Variants in CAPG observed in about 807,000 individuals in gnomAD.
CAPG encodes the protein macrophage-capping protein.
Under a neutral mutation model 44.6 loss-of-function variants are expected in CAPG, and 32 were observed. The observed-to-expected ratio is 0.72, with a 90% confidence interval of 0.54 to 0.96. The LOEUF is 0.96. CAPG is among the 50% of genes least tolerant of loss of function. The probability of loss-of-function intolerance (pLI) is 0.00; values close to 1 mark genes in which losing one functional copy is unlikely to be tolerated. For missense variants in CAPG, 412 were observed against 438.3 expected, an observed-to-expected ratio of 0.94 and a Z score of 0.54; for synonymous variants, 175 against 179.6, an observed-to-expected ratio of 0.97 and a Z score of 0.20.
At chr2:85,402,816 G>A (rs756746951) in intron 1 of CAPG, among the ~76,000 whole-genome samples, 11 of 150,724 alleles carry the variant, frequency 7.3e-5, no homozygotes, top group Non-Finnish European at 1.2e-4. Context: ...TGTCACTCAG[G>A]CTGGAGTGCA....
At position 85,398,805 on chromosome 2, in the gene CAPG, G is replaced by A. The variant is rs767616113; in HGVS notation, c.667-23C>T. The A allele has an allele frequency of 2.6e-6, 4 of 1,539,220 alleles. No individual in the cohort carries two copies. In the South Asian group the frequency reaches 3.5e-5, roughly 14 times the overall value. On this transcript the variant is annotated intron_variant, in intron 6 of 9. Transcript: ENST00000263867. ...GACCTGCAGGGGCCAGGGCAGGCCA[G>A]GTTTATAGGGACCCCTGCCCTGGAA...
At chr2:85,394,375 G>C (rs915465711), downstream of CAPG, among the ~76,000 whole-genome samples, 2 of 152,252 alleles carry the variant, frequency 1.3e-5, no homozygotes, top group South Asian at 2.1e-4. Flanking sequence ...TGGTACAATT[G>C]TGAAAGGCTG....
chr2:85,392,654 G>C (rs1204415745), downstream of CAPG, among the ~76,000 whole-genome samples: 1 of 152,188 alleles, frequency 6.6e-6, no homozygotes, highest in African/African-American at 2.4e-5. Context: ...GGGTGGGGCT[G>C]GTAACAAACC....
upstream of CAPG, chr2:85,418,629 GT>G (rs1321671056): frequency 6.9e-6 from 1 of 143,968 alleles, no homozygotes; most frequent in East Asian, 2.0e-4. Context: ...CAAACACACA[GT>G]CACACACGCA....
At chr2:85,409,319 G>A (rs1311403836) in intron 1 of CAPG, among the ~76,000 whole-genome samples, 1 of 152,166 alleles carries the variant, frequency 6.6e-6, no homozygotes, top group Non-Finnish European at 1.5e-5. Context: ...GGCTGGGGGA[G>A]GGGAGGACGC....
chr2:85,409,285 G>A (rs1347365215), intron 1 of CAPG, among the ~76,000 whole-genome samples: 2 of 152,186 alleles, frequency 1.3e-5, no homozygotes, highest in Admixed American at 6.5e-5. Flanking sequence ...GAGAGCAGGG[G>A]CTAGGGGTCC....
At chr2:85,396,208 C>T (rs891535017) in intron 8 of CAPG, among the ~76,000 whole-genome samples, 2 of 152,048 alleles carry the variant, frequency 1.3e-5, no homozygotes, top group African/African-American at 4.8e-5. Context: ...TTTTCTGAGA[C>T]GCAGTCTCGT....
chr2:85,393,610 G>A (rs1280167011), downstream of CAPG, among the ~76,000 whole-genome samples: 1 of 151,978 alleles, frequency 6.6e-6, no homozygotes, highest in Non-Finnish European at 1.5e-5. Context: ...TGTCACCCAG[G>A]CTGGAGTGCA....
Position 85,395,697 on chromosome 2 carries a change from G to A in CAPG, c.893-71C>T, listed in dbSNP as rs552013955. On this transcript the variant is annotated intron_variant, in intron 8 of 9. Coordinates refer to ENST00000263867, the MANE Select transcript of CAPG (RefSeq NM_001747.4). This position sits in a 1 kb window ranked among gnomAD's most constrained non-coding sequence, Gnocchi z 4.3. Reference sequence around the variant, plus strand: ...TAGCTGCCATCCCATTTTTCTTGAGGAAATTTAAGGGAGTCCACAGAAGAG... The same window carrying A: ...TAGCTGCCATCCCATTTTTCTTGAGAAAATTTAAGGGAGTCCACAGAAGAG... 8.9e-7 allele frequency: 1 copy of A among 1,123,760 alleles called. No individual in the cohort carries two copies. Among genetic ancestry groups the A allele is most frequent in the Non-Finnish European group, 1.3e-6 (1 of 760,842 alleles). 69.6% of individuals were successfully genotyped at this position (1,123,760 alleles called of 1,614,324 possible).
In CAPG at chr2:85,401,303, G is replaced by A. The variant is rs765785513; in HGVS notation, c.378C>T (p.His126=). The A allele has an allele frequency of 1.4e-5, 23 of 1,614,068 alleles. No individual in the cohort carries two copies. In the South Asian group the frequency reaches 2.3e-4, roughly 16 times the overall value. ...YQEGGVESAF[H]KTSTGAPAAI... ...CAGCTGGGGCTCCTGTGGAGGTCTT[G>A]TGAAATGCTGACTCCACACCACCTT... Residue 126 remains histidine (H), a synonymous_variant, in exon 5 of 10, where the codon CAC becomes CAT. Coordinates refer to ENST00000263867, the MANE Select transcript of CAPG (RefSeq NM_001747.4).
At position 85,394,896 on chromosome 2, in the gene CAPG, T is replaced by C. The variant is rs1558727761; in HGVS notation, c.1044A>G (p.Lys348=). ...TGGGGCAGGAAGACGCCCACCCTCA[T>C]TTCCAGTCCTTGAAAAATTGCTTGA... is the stretch of plus-strand genomic sequence containing the variant. ...PIFKQFFKDW[K] Residue 348 remains lysine (K), a synonymous_variant, in exon 10 of 10, where the codon AAA becomes AAG. Coordinates refer to ENST00000263867, the MANE Select transcript of CAPG (RefSeq NM_001747.4). The C allele has an allele frequency of 1.3e-5, 21 of 1,612,296 alleles. No homozygotes were observed. The highest frequency in any genetic ancestry group is 1.8e-5 in the Non-Finnish European group (21 of 1,178,262).
rs1042903743 is a variant in CAPG at position 85,396,224 on chromosome 2, C to T, written c.893-598G>A. ...TTTCTGAGACGCAGTCTCGTTCTGT[C>T]GCCCGGGCTGGAGTGCAGCGGCACC... On this transcript the variant is annotated intron_variant, in intron 8 of 9. Coordinates refer to ENST00000263867, the MANE Select transcript of CAPG (RefSeq NM_001747.4). Among the ~76,000 whole-genome samples the T allele has an allele frequency of 5.9e-5, 9 of 152,188 alleles. No homozygotes were observed. In the East Asian group the frequency reaches 9.7e-4, roughly 16 times the overall value.
intron 5 of CAPG, among the ~76,000 whole-genome samples, chr2:85,400,684 C>T (rs1357995962): frequency 2.6e-5 from 4 of 152,128 alleles, no homozygotes; most frequent in African/African-American, 9.7e-5. Context: ...CCTGGGACAA[C>T]TGGCTTCGGC....
chr2:85,407,636 C>A (rs1370352517), intron 1 of CAPG, among the ~76,000 whole-genome samples: 1 of 147,668 alleles, frequency 6.8e-6, no homozygotes, highest in Admixed American at 6.9e-5. Context: ...TTGCTTGAAC[C>A]TGGGAGGTGG....
chr2:85,399,737 TTTC>T, intron 5 of CAPG, among the ~76,000 whole-genome samples: 2 of 146,936 alleles, frequency 1.4e-5, no homozygotes, highest in Non-Finnish European at 3.0e-5. Context: ...CCTCTTTCTT[TTTC>T]TTTTTTTTTT....
upstream of CAPG, chr2:85,413,939 G>A (rs1687492597): frequency 6.6e-6 from 1 of 152,286 alleles, no homozygotes; most frequent in Non-Finnish European, 1.5e-5. Context: ...CCCTACATGG[G>A]GAGCCCAGGT....
At chr2:85,394,309 T>C (rs1405203826), downstream of CAPG, among the ~76,000 whole-genome samples, 1 of 152,274 alleles carries the variant, frequency 6.6e-6, no homozygotes, top group Non-Finnish European at 1.5e-5. Context: ...GCAGTGGCCC[T>C]GGGCTCACCA....
chr2:85,415,659 A>G (rs566195548), intron 1 of CAPG, among the ~76,000 whole-genome samples: 5 of 152,060 alleles, frequency 3.3e-5, no homozygotes, highest in Admixed American at 6.6e-5. Context: ...ACTCAAAAAA[A>G]TTTTTACTGA....
At chr2:85,398,933 C>T in intron 6 of CAPG, 151 bp from the exon 7 acceptor site, 1 of 828,296 alleles carries the variant, frequency 1.2e-6, no homozygotes, top group Non-Finnish European at 1.9e-6. Flanking sequence ...CTGAGTCCAG[C>T]CCACCCCACC....
Sources: gnomAD v4.1 joint callset for allele counts (sites outside exome capture counted in the v4.1 genomes callset) on GRCh38, gnomAD v4.1.1 for gene constraint, Gnocchi (gnomAD v3.1) non-coding constraint, MANE v1.5 for transcripts, NCBI Gene and HGNC (gene_info 2026-07-23, HGNC 2026-07-21) for gene names.